C12orf54: variants seen among roughly 807,000 people sequenced by gnomAD.
C12orf54 encodes uncharacterized protein C12orf54.
Under a neutral mutation model 26.4 loss-of-function variants are expected in C12orf54, and 24 were observed. The ratio of observed to expected loss-of-function variants is 0.91; its 90% CI spans 0.66 to 1.28. C12orf54 has a LOEUF of 1.28. Ranked by LOEUF, C12orf54 falls within the 50% of genes most tolerant of loss-of-function variation. C12orf54 has a pLI of 0.00. For missense variants in C12orf54, 154 were observed against 150.9 expected (o/e 1.02, Z -0.11); for synonymous variants, 54 against 47.0 (o/e 1.15, Z -0.61).
chr12:48,467,741 T>C, the C12orf54 span, among the ~76,000 whole-genome samples: 2 of 152,158 alleles, frequency 1.3e-5, no homozygotes, highest in African/African-American at 2.4e-5. Context: ...TGTTGATAAT[T>C]TCATGGGTGT....
chr12:48,430,370 C>G, the C12orf54 span, among the ~76,000 whole-genome samples: 1 of 152,170 alleles, frequency 6.6e-6, no homozygotes, highest in East Asian at 1.9e-4. Flanking sequence ...AACAGACAAC[C>G]CACAGAGTAG....
the C12orf54 span, among the ~76,000 whole-genome samples, chr12:48,438,827 T>G: frequency 6.6e-6 from 1 of 152,212 alleles, no homozygotes; most frequent in Admixed American, 6.5e-5. Flanking sequence ...GACAATACCA[T>G]TCAGGACATA....
At chr12:48,421,573 A>G in the C12orf54 span, among the ~76,000 whole-genome samples, 2 of 119,046 alleles carry the variant, frequency 1.7e-5, no homozygotes, top group East Asian at 5.9e-4. Context: ...CCTGTCAGCC[A>G]GGCTGGAGTG....
chr12:48,419,911 C>T, the C12orf54 span, among the ~76,000 whole-genome samples: 1 of 152,160 alleles, frequency 6.6e-6, no homozygotes, highest in Non-Finnish European at 1.5e-5. Context: ...AATATATTAG[C>T]TCGCATGCCA....
At chr12:48,435,697 A>T in the C12orf54 span, among the ~76,000 whole-genome samples, 1 of 152,212 alleles carries the variant, frequency 6.6e-6, no homozygotes, top group East Asian at 1.9e-4. Context: ...AATCCTTTAC[A>T]GACAAGCAAA....
At chr12:48,438,837 AG>A in the C12orf54 span, among the ~76,000 whole-genome samples, 1 of 152,226 alleles carries the variant, frequency 6.6e-6, no homozygotes, top group East Asian at 1.9e-4. Flanking sequence ...TTCAGGACAT[AG>A]GCATGGGCAA....
chr12:48,447,215 T>TGTGTATGG, the C12orf54 span, among the ~76,000 whole-genome samples: 2 of 66,644 alleles, frequency 3.0e-5, no homozygotes, highest in South Asian at 9.3e-4. Flanking sequence ...TCTTACTCTG[T>TGTGTATGG]GTGTGTGTGT....
the C12orf54 span, among the ~76,000 whole-genome samples, chr12:48,421,373 G>C: frequency 6.6e-6 from 1 of 151,988 alleles, no homozygotes; most frequent in Admixed American, 6.6e-5. Context: ...ACTCCAAAGA[G>C]GGTGGTGTTA....
At chr12:48,465,178 G>A in the C12orf54 span, among the ~76,000 whole-genome samples, 2 of 152,166 alleles carry the variant, frequency 1.3e-5, no homozygotes, top group East Asian at 1.9e-4. Context: ...TCTGACAAAC[G>A]TCTAATGCAG....
upstream of C12orf54, among the ~76,000 whole-genome samples, chr12:48,481,190 T>C (rs373790242): frequency 1.5e-4 from 20 of 135,672 alleles, no homozygotes; most frequent in African/African-American, 5.4e-4. Context: ...GAATCCAAAA[T>C]AAAAATAGAG....
At chr12:48,437,006 T>C in the C12orf54 span, among the ~76,000 whole-genome samples, 1 of 107,974 alleles carries the variant, frequency 9.3e-6, no homozygotes, top group Non-Finnish European at 2.0e-5. Context: ...GATAGACTGC[T>C]AGCAAGACTA....
chr12:48,440,151 G>A, the C12orf54 span, among the ~76,000 whole-genome samples: 130 of 152,116 alleles, frequency 8.5e-4, no homozygotes, highest in Middle Eastern at 3.4e-3. Context: ...TTTGAACCTG[G>A]GAGGCGGAGG....
At chr12:48,470,044 A>G in the C12orf54 span, among the ~76,000 whole-genome samples, 3 of 152,180 alleles carry the variant, frequency 2.0e-5, no homozygotes, top group African/African-American at 7.2e-5. Flanking sequence ...TTATGGCTAC[A>G]TGCTATTCCA....
At chr12:48,415,771 A>G in the C12orf54 span, among the ~76,000 whole-genome samples, 1 of 152,016 alleles carries the variant, frequency 6.6e-6, no homozygotes, top group Non-Finnish European at 1.5e-5. Flanking sequence ...TGACCATTTG[A>G]CCATTTTCTA....
At chr12:48,492,442 T>C (rs1427792935) in intron 6 of C12orf54, among the ~76,000 whole-genome samples, 1 of 152,188 alleles carries the variant, frequency 6.6e-6, no homozygotes, top group Non-Finnish European at 1.5e-5. Context: ...AGAAGCCTGA[T>C]TTCCAAATAG....
the C12orf54 span, among the ~76,000 whole-genome samples, chr12:48,416,307 C>T: frequency 4.6e-5 from 7 of 152,282 alleles, no homozygotes; most frequent in East Asian, 3.9e-4. Flanking sequence ...GATCTGACTG[C>T]GGACAGCCTT....
chr12:48,461,493 C>A, the C12orf54 span, among the ~76,000 whole-genome samples: 1 of 151,742 alleles, frequency 6.6e-6, no homozygotes, highest in Non-Finnish European at 1.5e-5. Flanking sequence ...GGGCTATAAA[C>A]CATGTCTCAA....
chr12:48,444,634 T>C, the C12orf54 span, among the ~76,000 whole-genome samples: 1 of 152,222 alleles, frequency 6.6e-6, no homozygotes, highest in East Asian at 1.9e-4. Context: ...TCTTATTTTT[T>C]TTAACCCGCT....
In C12orf54 at chr12:48,483,620, A is replaced by G. The variant is rs1245018787; in HGVS notation, c.65+259A>G. ...GGTTGGCGGGGTATACAAACTAGGGACATTAATTTATTCCAGGATTGACTT... is the reference window on the plus strand; with the variant it reads ...GGTTGGCGGGGTATACAAACTAGGGGCATTAATTTATTCCAGGATTGACTT... On this transcript the variant is annotated intron_variant, in intron 2 of 8. Transcript: ENST00000548364. 9 of 366,098 alleles carry G rather than the reference A, an allele frequency of 2.5e-5. No homozygotes were observed. The South Asian group carries it at 3.3e-4, about 13-fold the overall frequency. 22.7% of individuals were successfully genotyped at this position (366,098 alleles called of 1,614,324 possible).
Sources: allele counts gnomAD v4.1 joint callset (sites outside exome capture counted in the v4.1 genomes callset), GRCh38; gene constraint gnomAD v4.1.1; transcripts MANE v1.5; gene names NCBI Gene and HGNC (gene_info 2026-07-23, HGNC 2026-07-21).